Variants in MRPS31 observed in about 807,000 individuals in gnomAD.
MRPS31 encodes small ribosomal subunit protein mS31.
In MRPS31, 32 loss-of-function variants were observed where a neutral mutation model predicts 43.1. The ratio of observed to expected loss-of-function variants is 0.74; its 90% CI spans 0.56 to 1.00. The LOEUF is 1.00. MRPS31 is among the 50% of genes least tolerant of loss of function. The pLI, the probability that MRPS31 is intolerant of heterozygous loss-of-function variation, is 0.00. For synonymous variants in MRPS31, 165 were observed against 161.6 expected, an observed-to-expected ratio of 1.02 and a Z score of -0.16; for missense variants, 437 against 466.7, an observed-to-expected ratio of 0.94 and a Z score of 0.59.
chr13:40,770,740 T>G (rs1005180918), intron 1 of MRPS31: 47 of 476,572 alleles, frequency 9.9e-5, no homozygotes, highest in African/African-American at 9.5e-4. Flanking sequence ...AAAACCTGGG[T>G]AAACTGACAG....
intron 3 of MRPS31, among the ~76,000 whole-genome samples, chr13:40,757,228 C>T (rs1880554387): frequency 1.3e-5 from 2 of 152,120 alleles, no homozygotes; most frequent in African/African-American, 2.4e-5. Flanking sequence ...TAAAGATGTA[C>T]TTCAGAAATC....
At chr13:40,758,512 TGA>T (rs1880598748) in intron 3 of MRPS31, among the ~76,000 whole-genome samples, 1 of 152,016 alleles carries the variant, frequency 6.6e-6, no homozygotes, top group African/African-American at 2.4e-5. Context: ...TATAAAATAA[TGA>T]GAGATGAAGA....
At chr13:40,767,082 A>G (rs754501433) in intron 1 of MRPS31, 49 bp from the exon 2 acceptor site, 1 of 1,439,074 alleles carries the variant, frequency 6.9e-7, no homozygotes, top group Non-Finnish European at 9.3e-7. Context: ...TGCAGTCTAC[A>G]ATAAAGTAAA....
chr13:40,729,465 A>C lies in MRPS31; in HGVS notation c.1095T>G (p.Ser365Arg). ...CTATGTGTTCAACCTTCTGTTTAACACTAAGATATGGGTTTTTGGAAAGGC... is the reference window on the plus strand; with the variant it reads ...CTATGTGTTCAACCTTCTGTTTAACCCTAAGATATGGGTTTTTGGAAAGGC... ...TCGLSKNPYL[S>R]VKQKVEHIEW... Residue 365 changes from serine to arginine, a missense_variant, in exon 7 of 7, where the codon AGT (serine) becomes AGG (arginine). By Grantham distance (110) the Ser-to-Arg change is moderately radical (BLOSUM62 -1). Transcript: ENST00000323563. 1 of 1,611,228 alleles carries C rather than the reference A, an allele frequency of 6.2e-7. No individual in the cohort carries two copies. Among genetic ancestry groups the C allele is most frequent in the Non-Finnish European group, 8.5e-7 (1 of 1,177,450 alleles).
At chr13:40,737,537 A>G (rs1879957420) in intron 6 of MRPS31, among the ~76,000 whole-genome samples, 1 of 152,168 alleles carries the variant, frequency 6.6e-6, no homozygotes, top group African/African-American at 2.4e-5. Context: ...TTGGAAGTAA[A>G]GCTCTCCTCA....
intron 1 of MRPS31, chr13:40,770,745 T>A: frequency 2.0e-6 from 1 of 492,492 alleles, no homozygotes. Context: ...CTGGGTAAAC[T>A]GACAGGAGAT....
rs190135172 is a variant in MRPS31, at chr13:40,734,122, G to C, written c.959-4521C>G. On this transcript the variant is annotated intron_variant, in intron 6 of 6. Transcript: ENST00000323563. ...ACAGCCTGGGTGACAAAGCAAGAAA[G>C]ACAATGGAGCAAAGGCTTATTGTGA... Among the ~76,000 whole-genome samples, 15 of 152,214 alleles carry C rather than the reference G, an allele frequency of 9.9e-5. No homozygotes were observed. In the East Asian group the frequency reaches 2.9e-3, roughly 29 times the overall value.
intron 4 of MRPS31, among the ~76,000 whole-genome samples, chr13:40,754,536 C>T (rs1447186664): frequency 1.3e-5 from 2 of 152,078 alleles, no homozygotes; most frequent in Non-Finnish European, 2.9e-5. Context: ...TCACAACATT[C>T]CCTTTCATAA....
chr13:40,749,810 T>G (rs1456146372), intron 5 of MRPS31, among the ~76,000 whole-genome samples: 1 of 152,214 alleles, frequency 6.6e-6, no homozygotes, highest in African/African-American at 2.4e-5. Context: ...ATTATCATGT[T>G]GGCTAATTAC....
chr13:40,765,770 T>C (rs1880825856), intron 2 of MRPS31, among the ~76,000 whole-genome samples: 1 of 152,220 alleles, frequency 6.6e-6, no homozygotes, highest in South Asian at 2.1e-4. Context: ...ATGAGTATCC[T>C]AAAGCCACAT....
At position 40,771,100 on chromosome 13, in the gene MRPS31, G is replaced by A. The variant is rs1249383608; in HGVS notation, c.37C>T (p.Pro13Ser). 1.2e-6 allele frequency: 2 copies of A among 1,613,686 alleles called. No homozygotes were observed. Among genetic ancestry groups the A allele is most frequent in the East Asian group, 2.2e-5 (1 of 44,876 alleles). Residue 13 changes from proline to serine, a missense_variant, in exon 1 of 7, where the codon CCC becomes TCC. Physicochemically the swap from Pro to Ser is moderately conservative, Grantham distance 74 (BLOSUM62 -1). Coordinates refer to ENST00000323563, the MANE Select transcript of MRPS31 (RefSeq NM_005830.4). ...GAGGACAAAGGGTGGCGGGAAAGGG[G>A]GCGAAGAGGTAGGAACGTCGAGACT... Reference protein sequence around the residue: ...PRVSTFLPLRPLSRHPLSSGS... With the variant: ...PRVSTFLPLRSLSRHPLSSGS...
chr13:40,763,844 C>A (rs139403210), intron 2 of MRPS31, among the ~76,000 whole-genome samples: 2 of 152,162 alleles, frequency 1.3e-5, no homozygotes, highest in African/African-American at 2.4e-5. Flanking sequence ...CATTTGTCTG[C>A]GGAACCCAGC....
intron 6 of MRPS31, among the ~76,000 whole-genome samples, chr13:40,738,036 A>G (rs1003700771): frequency 6.6e-5 from 10 of 151,966 alleles, no homozygotes; most frequent in African/African-American, 2.2e-4. Flanking sequence ...TTGATAGACC[A>G]CTAGCAAGAC....
chr13:40,753,966 C>A (rs1312964247), intron 5 of MRPS31, 53 bp downstream of exon 5: 2 of 1,151,408 alleles, frequency 1.7e-6, no homozygotes, highest in South Asian at 2.6e-5. Flanking sequence ...TAAGGACATC[C>A]TGGAACGATG....
At chr13:40,768,863 T>A (rs185328195) in intron 1 of MRPS31, among the ~76,000 whole-genome samples, 2 of 152,316 alleles carry the variant, frequency 1.3e-5, no homozygotes, top group Admixed American at 6.5e-5. Context: ...ACTTAATCCT[T>A]ACACTTTAAC....
At chr13:40,769,115 C>T (rs1282650848) in intron 1 of MRPS31, among the ~76,000 whole-genome samples, 2 of 151,800 alleles carry the variant, frequency 1.3e-5, no homozygotes, top group Non-Finnish European at 2.9e-5. Flanking sequence ...TGGTGGTGCA[C>T]GCCTGTAATT....
At chr13:40,734,363 G>T (rs1879810314) in intron 6 of MRPS31, among the ~76,000 whole-genome samples, 1 of 152,144 alleles carries the variant, frequency 6.6e-6, no homozygotes, top group Admixed American at 6.6e-5. Context: ...AGACAGTTGT[G>T]CCAGAAGACC....
intron 2 of MRPS31, among the ~76,000 whole-genome samples, chr13:40,760,579 T>C (rs1185791924): frequency 6.6e-6 from 1 of 151,750 alleles, no homozygotes; most frequent in Non-Finnish European, 1.5e-5. Flanking sequence ...AGCAAGTTAA[T>C]AGAAAAACAT....
chr13:40,755,177 T>A (rs1880496385), intron 4 of MRPS31, among the ~76,000 whole-genome samples: 1 of 152,262 alleles, frequency 6.6e-6, no homozygotes, highest in East Asian at 1.9e-4. Flanking sequence ...TTAAATAATG[T>A]GATCTCAAAT....
Sources: allele counts gnomAD v4.1 joint callset (sites outside exome capture counted in the v4.1 genomes callset), GRCh38; gene constraint gnomAD v4.1.1; transcripts MANE v1.5; gene names NCBI Gene and HGNC (gene_info 2026-07-23, HGNC 2026-07-21).